Variants in MSANTD2 observed in about 807,000 individuals in gnomAD.
MSANTD2 encodes myb/SANT-like DNA-binding domain-containing protein 2.
Under a neutral mutation model 52.6 loss-of-function variants are expected in MSANTD2, and 19 were observed. That is an observed-to-expected ratio of 0.36 (90% CI 0.25 to 0.53). The LOEUF (loss-of-function observed/expected upper bound fraction) is 0.53. Among genes scored for constraint, MSANTD2 ranks in the 20% least tolerant of loss-of-function variants. The pLI is 0.91. For missense variants in MSANTD2, 558 were observed against 716.3 expected, an observed-to-expected ratio of 0.78 and a Z score of 2.52; for synonymous variants, 291 against 289.7, an observed-to-expected ratio of 1.00 and a Z score of -0.04.
Position 124,767,740 on chromosome 11 carries a change from G to C in MSANTD2, c.1116C>G (p.Tyr372Ter). The C allele has an allele frequency of 6.2e-7, 1 of 1,614,188 alleles. No homozygotes were observed. Among genetic ancestry groups the C allele is most frequent in the Non-Finnish European group, 8.5e-7 (1 of 1,180,028 alleles). ...RVQKMNWKNV[Y>*]YKFLEITISE... ...TAATAGTGATCTCTAAAAATTTGTA[G>C]TAAACATTTTTCCAGTTCATTTTCT... Residue 372 changes from tyrosine to a stop codon, truncating the protein, a stop_gained, in exon 4 of 4, where the codon TAC becomes TAG. Transcript: ENST00000374979. LOFTEE classifies it high-confidence loss of function. This position sits in a 1 kb window ranked among gnomAD's most constrained non-coding sequence, Gnocchi z 6.5.
In MSANTD2 at chr11:124,779,636, G is replaced by A. The variant is rs189629582; in HGVS notation, c.511-4662C>T. Reference sequence around the variant, plus strand: ...AAAAATAAAGTCAATCTGCAAGGAGGACAGCTTAGTTATAATAGCAGGAAA... The same window carrying A: ...AAAAATAAAGTCAATCTGCAAGGAGAACAGCTTAGTTATAATAGCAGGAAA... On this transcript the variant is annotated intron_variant, in intron 1 of 3. Transcript: ENST00000374979. This position sits in a 1 kb window ranked among gnomAD's most constrained non-coding sequence, Gnocchi z 4.6. Among the ~76,000 whole-genome samples, 27 of 152,302 alleles carry A rather than the reference G, an allele frequency of 1.8e-4. 1 individual carries two copies. The South Asian group carries it at 3.9e-3, about 22-fold the overall frequency.
chr11:124,782,264 T>C (rs1361731454), intron 1 of MSANTD2, among the ~76,000 whole-genome samples: 1 of 149,240 alleles, frequency 6.7e-6, no homozygotes, highest in Non-Finnish European at 1.5e-5. Flanking sequence ...CTGGTCAATA[T>C]AGCAAGACTT....
chr11:124,783,948 A>G (rs1451301174), intron 1 of MSANTD2: 1 of 985,306 alleles, frequency 1.0e-6, no homozygotes, highest in Non-Finnish European at 1.2e-6. Flanking sequence ...CACACCTAGC[A>G]TGCATGTTCA....
intron 1 of MSANTD2, chr11:124,791,837 G>A: frequency 4.2e-6 from 2 of 471,952 alleles, no homozygotes; most frequent in Non-Finnish European, 7.9e-6. Flanking sequence ...TGCATTCACT[G>A]TGTATACTGT....
intron 1 of MSANTD2, chr11:124,792,576 C>T (rs886171196): frequency 1.3e-5 from 2 of 152,154 alleles, no homozygotes; most frequent in Non-Finnish European, 2.9e-5. Context: ...TTTTGAAAGC[C>T]TAGGATGTGT....
chr11:124,768,960 T>C (rs1309233097), intron 3 of MSANTD2, among the ~76,000 whole-genome samples: 1 of 152,238 alleles, frequency 6.6e-6, no homozygotes, highest in Admixed American at 6.5e-5. Flanking sequence ...TACTGGAAGA[T>C]TGGTTCGTTA....
chr11:124,800,166 C>A lies in MSANTD2; in HGVS notation c.215G>T (p.Gly72Val), dbSNP rs754288807. 11 of 1,461,548 alleles carry A rather than the reference C, an allele frequency of 7.5e-6. No individual in the cohort carries two copies. Among genetic ancestry groups the A allele is most frequent in the Non-Finnish European group, 9.9e-6 (11 of 1,114,542 alleles). 90.5% of individuals were successfully genotyped at this position (1,461,548 alleles called of 1,614,324 possible). ...GACCGAGGACGAGGCGGCGCTGCGG[C>A]CCCCCAGCCCCAGCCCGAGACCCCC... ...ASGGLGLGLG[G>V]RSAASSSVSF... Residue 72 changes from glycine to valine, a missense_variant, in exon 1 of 4, where the codon GGC becomes GTC. Around this residue, in one of 2 missense-constraint regions of MSANTD2, gnomAD observed 150 missense variants for 142.7 expected, o/e 1.05. Transcript: ENST00000374979. This position sits in a 1 kb window ranked among gnomAD's most constrained non-coding sequence, Gnocchi z 4.3.
chr11:124,799,811 C>T (rs1403522853), intron 1 of MSANTD2, 60 bp downstream of exon 1: 2 of 1,350,440 alleles, frequency 1.5e-6, no homozygotes, highest in Non-Finnish European at 2.0e-6. Context: ...GCCCCCGAGG[C>T]CCGCTTCCCC....
chr11:124,788,614 T>A (rs1338022264), intron 1 of MSANTD2, among the ~76,000 whole-genome samples: 1 of 152,218 alleles, frequency 6.6e-6, no homozygotes, highest in African/African-American at 2.4e-5. Context: ...TTTCCTAAAC[T>A]GTATAACAGA....
intron 1 of MSANTD2, among the ~76,000 whole-genome samples, chr11:124,788,551 T>G (rs1439265967): frequency 6.6e-6 from 1 of 152,232 alleles, no homozygotes; most frequent in Non-Finnish European, 1.5e-5. Flanking sequence ...TTTGTACTGT[T>G]GTAAAATTGG....
intron 1 of MSANTD2, among the ~76,000 whole-genome samples, chr11:124,781,723 G>A (rs1565459352): frequency 6.6e-6 from 1 of 151,218 alleles, no homozygotes; most frequent in Non-Finnish European, 1.5e-5. Context: ...CACAATCTGG[G>A]CTCACTGCAA....
At chr11:124,770,580 T>C (rs907441314) in intron 3 of MSANTD2, among the ~76,000 whole-genome samples, 36 of 152,142 alleles carry the variant, frequency 2.4e-4, no homozygotes, top group Non-Finnish European at 4.4e-4. Context: ...ATTACAGACA[T>C]GAGCCACCGC....
At chr11:124,773,099 T>G in intron 2 of MSANTD2, 45 bp from the exon 3 acceptor site, 1 of 1,108,296 alleles carries the variant, frequency 9.0e-7, no homozygotes, top group Non-Finnish European at 1.4e-6. Context: ...TCCTAAGTGG[T>G]GGCATGCATG....
At chr11:124,795,622 T>G (rs1945469681) in intron 1 of MSANTD2, among the ~76,000 whole-genome samples, 1 of 152,256 alleles carries the variant, frequency 6.6e-6, no homozygotes, top group Admixed American at 6.5e-5. Flanking sequence ...CATTGATGTA[T>G]GTACACAAGC....
In MSANTD2 at chr11:124,793,707, C is replaced by G. The variant is rs147250227; in HGVS notation, c.510+6164G>C. ...ATAAATTCTATTGGACAGGGCTGTC[C>G]TAGGGAACCTAGAATATGCACTGTT... On this transcript the variant is annotated intron_variant, in intron 1 of 3. Coordinates refer to ENST00000374979, the MANE Select transcript of MSANTD2 (RefSeq NM_001308027.2). Among the ~76,000 whole-genome samples, 97 of 152,214 alleles carry G rather than the reference C, an allele frequency of 6.4e-4. 2 individuals carry two copies. Among genetic ancestry groups the G allele is most frequent in the Middle Eastern group, 3.4e-3 (1 of 294 alleles).
rs539985299 is a variant in MSANTD2 at position 124,782,044 on chromosome 11, T to C, written c.511-7070A>G. On this transcript the variant is annotated intron_variant, in intron 1 of 3. Transcript: ENST00000374979. ...TTTGATACTCTTCATCACCTGCTGA[T>C]ATCACTGTCTTTGGCAAATGTCTCT... Among the ~76,000 whole-genome samples the C allele has an allele frequency of 2.0e-5, 3 of 152,344 alleles. No homozygotes were observed. The South Asian group carries it at 6.2e-4, about 32-fold the overall frequency.
At chr11:124,795,164 C>T (rs540628669) in intron 1 of MSANTD2, among the ~76,000 whole-genome samples, 1 of 152,320 alleles carries the variant, frequency 6.6e-6, no homozygotes, top group South Asian at 2.1e-4. Context: ...CAGGCATGAA[C>T]CACCATGCCC....
chr11:124,784,749 T>C, intron 1 of MSANTD2: 1 of 830,714 alleles, frequency 1.2e-6, no homozygotes, highest in South Asian at 5.5e-5. Flanking sequence ...ATTAGTAGAT[T>C]TTACACATTT....
chr11:124,788,385 T>TA (rs1438447055), intron 1 of MSANTD2, among the ~76,000 whole-genome samples: 4 of 152,206 alleles, frequency 2.6e-5, no homozygotes, highest in African/African-American at 9.6e-5. Context: ...TTACTGGAAT[T>TA]AAAATCAGAC....
Sources: allele counts gnomAD v4.1 joint callset (sites outside exome capture counted in the v4.1 genomes callset), GRCh38; gene constraint gnomAD v4.1.1; regional missense constraint gnomAD v4.1.1; non-coding constraint Gnocchi (gnomAD v3.1); transcripts MANE v1.5; gene names NCBI Gene and HGNC (gene_info 2026-07-23, HGNC 2026-07-21).